The following ITGB1 variants were observed in gnomAD, a reference collection of about 807,000 sequenced individuals.
The protein encoded by ITGB1 is integrin beta-1.
Under a neutral mutation model 86.5 loss-of-function variants are expected in ITGB1, and 24 were observed. The ratio of observed to expected loss-of-function variants is 0.28; its 90% CI spans 0.20 to 0.39. ITGB1 has a LOEUF of 0.39. Ranked by LOEUF, ITGB1 falls within the 10% of genes least tolerant of loss-of-function variation. The pLI is 1.00. For missense variants in ITGB1, 556 were observed against 946.9 expected, an observed-to-expected ratio of 0.59 and a Z score of 5.42; for synonymous variants, 323 against 316.8, an observed-to-expected ratio of 1.02 and a Z score of -0.21.
chr10:32,947,096 GC>G (rs1168722630), intron 1 of ITGB1, among the ~76,000 whole-genome samples: 1 of 152,046 alleles, frequency 6.6e-6, no homozygotes, highest in African/African-American at 2.4e-5. Flanking sequence ...ACCCACCTCT[GC>G]CTCCCAAAGT....
Position 32,910,423 on chromosome 10 carries a change from C to T in ITGB1, c.1964G>A (p.Gly655Glu), listed in dbSNP as rs756589020. The change falls in exon 14 of 16, where the codon GGA becomes GAA. Residue 655 changes from glycine (G) to glutamate (E), a missense_variant. By Grantham distance (98) the Gly-to-Glu change is moderately conservative (BLOSUM62 -2). This residue lies in a region of ITGB1 where 330 missense variants were observed against 531.5 expected (regional missense o/e 0.62). Coordinates refer to ENST00000302278, the MANE Select transcript of ITGB1 (RefSeq NM_002211.4). ...CTGTGTGCATGTGTCTTTCTTTTCT[C>T]CTTTATTGAAGGCTCTGCACTGAAC... ...ECVQCRAFNK[G>E]EKKDTCTQEC... The T allele has an allele frequency of 5.0e-6, 8 of 1,596,624 alleles. No individual in the cohort carries two copies. The highest frequency in any genetic ancestry group is 6.8e-6 in the Non-Finnish European group (8 of 1,167,892).
chr10:32,920,026 A>G lies in ITGB1; in HGVS notation c.1328T>C (p.Phe443Ser), dbSNP rs1429263257. 6.2e-7 allele frequency: 1 copy of G among 1,614,000 alleles called. No individual in the cohort carries two copies. The highest frequency in any genetic ancestry group is 8.5e-7 in the Non-Finnish European group (1 of 1,179,962). ...CGTAAAGCCCAGAGGCCTAATTTTA[A>G]AGCTGTCAGAATCCTTTTTTGGACA... The part of the protein sequence containing the change: ...NKCPKKDSDS[F>S]KIRPLGFTEE... Residue 443 changes from phenylalanine to serine, a missense_variant, in exon 11 of 16, where the codon TTT becomes TCT. By Grantham distance (155) the Phe-to-Ser change is radical. This residue lies in a region of ITGB1 where 330 missense variants were observed against 531.5 expected (regional missense o/e 0.62). Coordinates refer to ENST00000302278, the MANE Select transcript of ITGB1 (RefSeq NM_002211.4).
Position 32,948,971 on chromosome 10 carries a change from G to GAAAAAAAAAAAAAAAAA in ITGB1, c.-1+9173_-1+9174insTTTTTTTTTTTTTTTTT, listed in dbSNP as rs71299726. 7.4e-4 allele frequency among the ~76,000 whole-genome samples: 90 copies of GAAAAAAAAAAAAAAAAA among 121,360 alleles called. 5 individuals carry two copies. The highest frequency in any genetic ancestry group is 1.7e-3 in the African/African-American group (59 of 35,224). 79.6% of individuals were successfully genotyped at this position (121,360 alleles called of 152,430 possible). ...GGACTGCTGCTCACTGTGGATTACTGAAAAAAAAAAAAAGACTGACTTCTC... is the reference window on the plus strand; with the variant it reads ...GGACTGCTGCTCACTGTGGATTACTGAAAAAAAAAAAAAAAAAAAAAAAAAAAAAAGACTGACTTCTC... On this transcript the variant is annotated intron_variant, in intron 1 of 15. Transcript: ENST00000302278.
intron 8 of ITGB1, 82 bp downstream of exon 8, chr10:32,922,558 T>C (rs2094953469): frequency 2.2e-6 from 2 of 909,998 alleles, no homozygotes; most frequent in Non-Finnish European, 3.4e-6. Context: ...GGTGGCATTT[T>C]CCCACATTTC....
At chr10:32,915,954 A>C (rs1285996767) in intron 11 of ITGB1, among the ~76,000 whole-genome samples, 1 of 152,230 alleles carries the variant, frequency 6.6e-6, no homozygotes, top group Non-Finnish European at 1.5e-5. Context: ...CACATCAAAA[A>C]GCTTATCCAC....
chr10:32,919,848 A>G (rs199630291), intron 11 of ITGB1, 37 bp downstream of exon 11: 6 of 1,577,572 alleles, frequency 3.8e-6, no homozygotes, highest in South Asian at 2.2e-5. Context: ...CTCTAAACCA[A>G]TGTAGCTCTG....
intron 6 of ITGB1, among the ~76,000 whole-genome samples, chr10:32,925,431 G>T (rs936726636): frequency 6.6e-6 from 1 of 152,158 alleles, no homozygotes; most frequent in African/African-American, 2.4e-5. Flanking sequence ...AAGACAGTGA[G>T]AAGAAAACTG....
In ITGB1 at chr10:32,912,019, G is replaced by A. The variant is rs751922816; in HGVS notation, c.1575C>T (p.Cys525=). The A allele has an allele frequency of 5.6e-6, 9 of 1,614,002 alleles. No homozygotes were observed. In the Admixed American group the frequency reaches 1.5e-4, roughly 27 times the overall value. Residue 525 remains cysteine (C), a synonymous_variant, in exon 12 of 16, where the codon TGC becomes TGT. Coordinates refer to ENST00000302278, the MANE Select transcript of ITGB1 (RefSeq NM_002211.4). ...YCRKENSSEI[C]SNNGECVCGQ... is the part of the protein sequence containing the mutation. ...CGCAGACGCACTCTCCATTGTTACT[G>A]CAGATTTCTGAACTGTTTTCTTTCC... is the stretch of plus-strand genomic sequence containing the variant.
chr10:32,946,260 C>A (rs2137258962), intron 1 of ITGB1, among the ~76,000 whole-genome samples: 1 of 152,302 alleles, frequency 6.6e-6, no homozygotes, highest in Non-Finnish European at 1.5e-5. Context: ...ATAGATCAGG[C>A]ATGCCTGCGG....
At chr10:32,944,517 A>G in intron 1 of ITGB1, 1 of 417,698 alleles carries the variant, frequency 2.4e-6, no homozygotes. Flanking sequence ...TCCAGGATCA[A>G]CATGCTGCGG....
chr10:32,907,241 C>A, intron 15 of ITGB1: 1 of 372,602 alleles, frequency 2.7e-6, no homozygotes, highest in South Asian at 2.6e-5. Flanking sequence ...TATTTCTACC[C>A]TTCTGAAATT....
chr10:32,922,465 G>T, intron 8 of ITGB1, 119 bp from the exon 9 acceptor site: 1 of 810,906 alleles, frequency 1.2e-6, no homozygotes, highest in East Asian at 2.6e-5. Context: ...ACTAACTTTA[G>T]GAGTCAAACC....
intron 15 of ITGB1, among the ~76,000 whole-genome samples, chr10:32,903,877 T>C (rs1406576937): frequency 2.6e-5 from 4 of 152,146 alleles, no homozygotes; most frequent in Non-Finnish European, 5.9e-5. Context: ...CCTATCTGAT[T>C]TGAGGCTAAG....
chr10:32,912,500 C>CGCCTGGCTCAGAGGGTCCCAT (rs2094916584), intron 11 of ITGB1, among the ~76,000 whole-genome samples: 1 of 152,212 alleles, frequency 6.6e-6, no homozygotes, highest in African/African-American at 2.4e-5. Flanking sequence ...TTATATCCCG[C>CGCCTGGCTCAGAGGGTCCCAT]GCCTGGCTCA....
At chr10:32,946,068 T>C (rs1394669266) in intron 1 of ITGB1, among the ~76,000 whole-genome samples, 1 of 152,240 alleles carries the variant, frequency 6.6e-6, no homozygotes, top group Non-Finnish European at 1.5e-5. Context: ...ATAATTGAAA[T>C]CTATGTTTTC....
rs1464042005 is a variant in ITGB1 at position 32,912,070 on chromosome 10, G to A, written c.1524C>T (p.Asn508=). ...TGCAGTAAGCATCCATGTCTTCACTGTTAACTTCATCTGTGCTGCATTCAC... is the reference window on the plus strand; with the variant it reads ...TGCAGTAAGCATCCATGTCTTCACTATTAACTTCATCTGTGCTGCATTCAC... The part of the protein sequence containing the change: ...RHCECSTDEV[N]SEDMDAYCRK... The change falls in exon 12 of 16, where the codon AAC becomes AAT. Residue 508 remains asparagine, a synonymous_variant. Transcript: ENST00000302278. 6.2e-7 allele frequency: 1 copy of A among 1,614,182 alleles called. No homozygotes were observed. Among genetic ancestry groups the A allele is most frequent in the Non-Finnish European group, 8.5e-7 (1 of 1,180,022 alleles).
chr10:32,957,748 C>G (rs2095055567), intron 1 of ITGB1: 1 of 152,252 alleles, frequency 6.6e-6, no homozygotes, highest in Non-Finnish European at 1.5e-5. Context: ...GGTGGCCTCG[C>G]TGGCTCCCAC....
intron 11 of ITGB1, among the ~76,000 whole-genome samples, chr10:32,915,214 G>A (rs867966544): frequency 2.6e-5 from 4 of 152,166 alleles, no homozygotes; most frequent in African/African-American, 9.7e-5. Flanking sequence ...GAGAAAGCAG[G>A]AAAGATCTAA....
chr10:32,932,756 A>AT (rs1454711559), intron 2 of ITGB1, 156 bp from the exon 3 acceptor site: 6 of 543,654 alleles, frequency 1.1e-5, no homozygotes, highest in Admixed American at 3.2e-5. Flanking sequence ...AGAGAGCAGG[A>AT]TTTTTTAATT....
Sources: allele counts gnomAD v4.1 joint callset (sites outside exome capture counted in the v4.1 genomes callset), GRCh38; gene constraint gnomAD v4.1.1; regional missense constraint gnomAD v4.1.1; transcripts MANE v1.5; gene names NCBI Gene and HGNC (gene_info 2026-07-23, HGNC 2026-07-21).